The following SLC60A2 variants were observed in gnomAD, a reference collection of about 807,000 sequenced individuals.
SLC60A2 encodes solute carrier family 60 member 2.
At chr6:111,274,697 C>G in the SLC60A2 span, among the ~76,000 whole-genome samples, 2 of 151,920 alleles carry the variant, frequency 1.3e-5, no homozygotes, top group Non-Finnish European at 2.9e-5. Context: ...ACATTTTATG[C>G]TTTTGTATGT....
the SLC60A2 span, chr6:111,268,303 C>T: frequency 6.6e-6 from 1 of 152,060 alleles, no homozygotes. Flanking sequence ...GCACTTTTTA[C>T]CCCCATACTG....
At chr6:111,262,042 CAA>C in the SLC60A2 span, among the ~76,000 whole-genome samples, 5 of 148,678 alleles carry the variant, frequency 3.4e-5, no homozygotes, top group Admixed American at 6.7e-5. Flanking sequence ...AGGATTGCAA[CAA>C]AAAAATAATT....
At chr6:111,259,375 G>C in the SLC60A2 span, 2 of 354,728 alleles carry the variant, frequency 5.6e-6, no homozygotes, top group African/African-American at 4.2e-5. Context: ...CACCTGCGGC[G>C]TGCCGAAGTT....
At chr6:111,266,791 C>T in the SLC60A2 span, 9 of 1,614,026 alleles carry the variant, frequency 5.6e-6, no homozygotes, top group African/African-American at 8.0e-5. Context: ...TTAGCCACTT[C>T]ACCTCTTGAT....
At chr6:111,265,897 C>A in the SLC60A2 span, 1 of 1,610,606 alleles carries the variant, frequency 6.2e-7, no homozygotes, top group Non-Finnish European at 8.5e-7. Flanking sequence ...CTTATCTTGG[C>A]TATTTGGGGG....
At chr6:111,260,270 G>A in the SLC60A2 span, among the ~76,000 whole-genome samples, 1 of 152,184 alleles carries the variant, frequency 6.6e-6, no homozygotes, top group East Asian at 1.9e-4. Flanking sequence ...GGTTCACCAG[G>A]TCTTTGGCCG....
At chr6:111,271,794 A>AAAAAAAAAAAAAAAAAAAAG in the SLC60A2 span, among the ~76,000 whole-genome samples, 1 of 106,516 alleles carries the variant, frequency 9.4e-6, no homozygotes, top group East Asian at 3.0e-4. Flanking sequence ...AAAAAAAAAA[A>AAAAAAAAAAAAAAAAAAAAG]AAAAAAAAAA....
chr6:111,262,302 A>G, the SLC60A2 span: 6 of 1,614,038 alleles, frequency 3.7e-6, no homozygotes, highest in East Asian at 1.1e-4. Flanking sequence ...AGATTTGGCA[A>G]CAAACGTGAA....
chr6:111,269,459 C>CA, the SLC60A2 span: 3 of 152,246 alleles, frequency 2.0e-5, no homozygotes, highest in Admixed American at 1.3e-4. Context: ...CTCAGCCTCC[C>CA]AAAGTGTTGA....
chr6:111,259,825 G>C, the SLC60A2 span: 4 of 1,098,676 alleles, frequency 3.6e-6, no homozygotes, highest in Non-Finnish European at 5.1e-6. Context: ...ATCTGACTGG[G>C]CCTCAGTTTC....
chr6:111,276,154 ATTTTGTTTATTCATC>A, the SLC60A2 span, among the ~76,000 whole-genome samples: 1 of 152,122 alleles, frequency 6.6e-6, no homozygotes. Flanking sequence ...TACATACTAT[ATTTTGTTTATTCATC>A]TGTCAGTGGA....
chr6:111,260,908 G>A, the SLC60A2 span, among the ~76,000 whole-genome samples: 1 of 152,230 alleles, frequency 6.6e-6, no homozygotes, highest in African/African-American at 2.4e-5. Flanking sequence ...GCCCATAGTG[G>A]TCCGTGGTCT....
chr6:111,262,259 A>T, the SLC60A2 span: 1 of 1,609,538 alleles, frequency 6.2e-7, no homozygotes, highest in Non-Finnish European at 8.5e-7. Flanking sequence ...AATTTTAGGG[A>T]TTGAGTGTTG....
At chr6:111,259,470 T>A in the SLC60A2 span, 1 of 469,260 alleles carries the variant, frequency 2.1e-6, no homozygotes, top group Non-Finnish European at 3.8e-6. Context: ...GCCAGTGCTC[T>A]TCTCGGAGCT....
the SLC60A2 span, chr6:111,268,584 T>C: frequency 4.6e-5 from 7 of 152,236 alleles, no homozygotes; most frequent in African/African-American, 1.7e-4. Context: ...TTCAGTGTTA[T>C]TAGATTAGTA....
At chr6:111,265,954 T>G in the SLC60A2 span, 6 of 1,614,076 alleles carry the variant, frequency 3.7e-6, no homozygotes, top group Non-Finnish European at 5.1e-6. Flanking sequence ...TCTTTTGCCT[T>G]GGGTGCCTTT....
chr6:111,265,409 CGT>C, the SLC60A2 span: 1 of 984,976 alleles, frequency 1.0e-6, no homozygotes, highest in Non-Finnish European at 1.2e-6. Context: ...GGTTCCTGGA[CGT>C]GTGTTTTGCA....
chr6:111,266,985 C>CT, the SLC60A2 span: 1 of 1,614,188 alleles, frequency 6.2e-7, no homozygotes, highest in Non-Finnish European at 8.5e-7. Flanking sequence ...TAGAAGTAGT[C>CT]TGACGGAGCC....
chr6:111,265,636 C>T, the SLC60A2 span, among the ~76,000 whole-genome samples: 2 of 152,040 alleles, frequency 1.3e-5, no homozygotes, highest in African/African-American at 4.8e-5. Flanking sequence ...AGGTAGTAGT[C>T]TACTAGACTG....
Sources: gnomAD v4.1 joint callset for allele counts (sites outside exome capture counted in the v4.1 genomes callset) on GRCh38, gnomAD v4.1.1 for gene constraint, MANE v1.5 for transcripts, NCBI Gene and HGNC (gene_info 2026-07-23, HGNC 2026-07-21) for gene names.